PTPRR: variants seen among roughly 807,000 people sequenced by gnomAD.
PTPRR encodes the protein receptor-type tyrosine-protein phosphatase R.
Under a neutral mutation model 77.2 loss-of-function variants are expected in PTPRR, and 38 were observed. The observed-to-expected ratio is 0.49, with a 90% CI of 0.38 to 0.65. The LOEUF is 0.65. Among genes scored for constraint, PTPRR ranks in the 30% least tolerant of loss-of-function variants. The pLI, the probability that PTPRR is intolerant of heterozygous loss-of-function variation, is 0.00. For synonymous variants in PTPRR, 299 were observed against 283.1 expected, an observed-to-expected ratio of 1.06 and a Z score of -0.57; for missense variants, 744 against 799.2, an observed-to-expected ratio of 0.93 and a Z score of 0.83.
At chr12:70,884,572 A>C (rs1399418361) in intron 2 of PTPRR, among the ~76,000 whole-genome samples, 1 of 152,072 alleles carries the variant, frequency 6.6e-6, no homozygotes, top group East Asian at 1.9e-4. Context: ...GAAATTTTGG[A>C]TTAAAAATTT....
intron 6 of PTPRR, among the ~76,000 whole-genome samples, chr12:70,741,782 A>T (rs1341212494): frequency 2.6e-5 from 4 of 151,710 alleles, no homozygotes; most frequent in Non-Finnish European, 5.9e-5. Flanking sequence ...TGCAGGTGAG[A>T]CCCCTGGATC....
intron 3 of PTPRR, among the ~76,000 whole-genome samples, chr12:70,763,728 T>C (rs1204851874): frequency 6.6e-6 from 1 of 152,162 alleles, no homozygotes; most frequent in Non-Finnish European, 1.5e-5. Context: ...TAGACTCCCA[T>C]TGCAGTGGAC....
chr12:70,770,233 T>C (rs1262266304), intron 2 of PTPRR, among the ~76,000 whole-genome samples: 1 of 150,068 alleles, frequency 6.7e-6, no homozygotes, highest in Non-Finnish European at 1.5e-5. Flanking sequence ...ACCTACAAAA[T>C]GGGAGAAAAT....
intron 10 of PTPRR, chr12:70,672,585 C>A: frequency 6.9e-7 from 1 of 1,441,882 alleles, no homozygotes; most frequent in Non-Finnish European, 9.6e-7. Flanking sequence ...CCTTGGTGAC[C>A]AAGGACAGTG....
rs58783163 is a variant in PTPRR, at chr12:70,729,326, G to GTCTATCTA, written c.1007+16484_1007+16491dup. Reference sequence around the variant, plus strand: ...AGAGATGATCTATTTGTATCTATCTGTCTATCTATCTATCTATCTATCTAT... The same window carrying GTCTATCTA: ...AGAGATGATCTATTTGTATCTATCTGTCTATCTATCTATCTATCTATCTATCTATCTAT... On this transcript the variant is annotated intron_variant, in intron 6 of 13. Transcript: ENST00000283228. 9.9e-3 allele frequency among the ~76,000 whole-genome samples: 1,491 copies of GTCTATCTA among 151,066 alleles called. 12 individuals carry two copies. The highest frequency in any genetic ancestry group is 0.011 in the African/African-American group (463 of 40,940).
chr12:70,762,930 C>T (rs1890725959), intron 3 of PTPRR, among the ~76,000 whole-genome samples: 1 of 152,086 alleles, frequency 6.6e-6, no homozygotes, highest in African/African-American at 2.4e-5. Context: ...ATATTCCTTC[C>T]TCAGTCTGGC....
chr12:70,770,991 C>A (rs959673722), intron 2 of PTPRR, among the ~76,000 whole-genome samples: 7 of 96,998 alleles, frequency 7.2e-5, no homozygotes, highest in Non-Finnish European at 1.4e-4. Context: ...ACATCACACT[C>A]TGGGGACTGT....
chr12:70,840,753 G>A (rs896814492), intron 2 of PTPRR, among the ~76,000 whole-genome samples: 10 of 152,074 alleles, frequency 6.6e-5, no homozygotes, highest in African/African-American at 1.7e-4. Flanking sequence ...CTATGGGGAG[G>A]GGTAGGAGTT....
intron 2 of PTPRR, among the ~76,000 whole-genome samples, chr12:70,806,151 G>A (rs191755714): frequency 3.9e-5 from 6 of 152,286 alleles, no homozygotes; most frequent in African/African-American, 1.4e-4. Context: ...AGAAACTAGA[G>A]CATTAGATCC....
chr12:70,882,309 C>A (rs190071283), intron 2 of PTPRR, among the ~76,000 whole-genome samples: 1 of 152,222 alleles, frequency 6.6e-6, no homozygotes, highest in East Asian at 1.9e-4. Flanking sequence ...ATTCTTTGCA[C>A]CCCATCACTA....
chr12:70,876,674 A>G (rs1893057401), intron 2 of PTPRR, among the ~76,000 whole-genome samples: 1 of 152,214 alleles, frequency 6.6e-6, no homozygotes, highest in Non-Finnish European at 1.5e-5. Flanking sequence ...ATTGTATGGC[A>G]TCTTTATTAC....
At chr12:70,884,770 G>A (rs924636994) in intron 2 of PTPRR, among the ~76,000 whole-genome samples, 27 of 150,550 alleles carry the variant, frequency 1.8e-4, no homozygotes, top group Non-Finnish European at 3.0e-4. Context: ...TACTCCGGAG[G>A]CTGAGGCCAG....
At chr12:70,865,111 C>T (rs1319437414) in intron 2 of PTPRR, among the ~76,000 whole-genome samples, 2 of 152,170 alleles carry the variant, frequency 1.3e-5, no homozygotes, top group African/African-American at 2.4e-5. Flanking sequence ...TTGTGCCCGA[C>T]CGAGATCTGA....
chr12:70,770,400 C>G (rs148329345), intron 2 of PTPRR, among the ~76,000 whole-genome samples: 10,105 of 152,164 alleles, frequency 0.066, 371 homozygotes, highest in Admixed American at 0.086. Context: ...CCAAAAGACA[C>G]ATGAAAAAAT....
intron 1 of PTPRR, among the ~76,000 whole-genome samples, chr12:70,915,647 T>C (rs1430587704): frequency 6.6e-6 from 1 of 152,168 alleles, no homozygotes; most frequent in Non-Finnish European, 1.5e-5. Context: ...TTTCACTGAG[T>C]TGATTAGTAG....
chr12:70,901,219 G>A lies in PTPRR; in HGVS notation c.59-8242C>T, dbSNP rs1252836528. ...GCAGTTCCTCAAAAAACTAAAAATA[G>A]AACTACCATATGTTCCAGCAATCCC... On this transcript the variant is annotated intron_variant, in intron 1 of 13. Transcript: ENST00000283228. Among the ~76,000 whole-genome samples the A allele has an allele frequency of 2.0e-5, 3 of 151,434 alleles. No homozygotes were observed. In the East Asian group the frequency reaches 5.8e-4, roughly 29 times the overall value.
chr12:70,670,084 T>A (rs1313047772), intron 10 of PTPRR, among the ~76,000 whole-genome samples: 1 of 152,218 alleles, frequency 6.6e-6, no homozygotes, highest in African/African-American at 2.4e-5. Flanking sequence ...GTTTGCAAAG[T>A]ACTGAATAAG....
At chr12:70,810,573 G>A (rs927828941) in intron 2 of PTPRR, among the ~76,000 whole-genome samples, 5 of 152,062 alleles carry the variant, frequency 3.3e-5, no homozygotes, top group African/African-American at 1.2e-4. Context: ...TTAATGCAAC[G>A]ATGTTACTGT....
chr12:70,834,811 G>T (rs1163587154), intron 2 of PTPRR, among the ~76,000 whole-genome samples: 2 of 152,022 alleles, frequency 1.3e-5, no homozygotes, highest in South Asian at 2.1e-4. Flanking sequence ...TACAGATAAG[G>T]CATCCTGATC....
Sources: allele counts gnomAD v4.1 joint callset (sites outside exome capture counted in the v4.1 genomes callset), GRCh38; gene constraint gnomAD v4.1.1; transcripts MANE v1.5; gene names NCBI Gene and HGNC (gene_info 2026-07-23, HGNC 2026-07-21).